Variants in SLC35F3 observed in about 807,000 individuals in gnomAD.
SLC35F3 encodes solute carrier family 35 member F3, also known as putative thiamine transporter SLC35F3.
A neutral mutation model predicts 49.9 loss-of-function variants in SLC35F3; 25 were observed. The observed-to-expected ratio is 0.50, with a 90% CI of 0.37 to 0.70. SLC35F3 has a LOEUF of 0.70. SLC35F3 is among the 30% of genes least tolerant of loss of function. SLC35F3 has a pLI of 0.00. For synonymous variants in SLC35F3, 275 were observed against 265.4 expected, an observed-to-expected ratio of 1.04 and a Z score of -0.35; for missense variants, 525 against 639.8, an observed-to-expected ratio of 0.82 and a Z score of 1.94.
At chr1:233,916,738 G>A (rs901189201) in intron 2 of SLC35F3, among the ~76,000 whole-genome samples, 3 of 152,318 alleles carry the variant, frequency 2.0e-5, no homozygotes, top group African/African-American at 7.2e-5. Context: ...GTTCCTATGT[G>A]GTGGCTGGAA....
At chr1:234,072,702 A>G (rs1660085669) in intron 2 of SLC35F3, among the ~76,000 whole-genome samples, 2 of 152,278 alleles carry the variant, frequency 1.3e-5, no homozygotes, top group African/African-American at 2.4e-5. Flanking sequence ...CCTTGCAATG[A>G]GGCTATGCTT....
intron 2 of SLC35F3, among the ~76,000 whole-genome samples, chr1:233,981,966 C>T (rs193043628): frequency 2.6e-5 from 4 of 152,326 alleles, no homozygotes; most frequent in South Asian, 2.1e-4. Flanking sequence ...CTCCCTCTGT[C>T]GCCCAGGCTG....
chr1:233,918,012 C>G (rs1277738393), intron 2 of SLC35F3, among the ~76,000 whole-genome samples: 1 of 66,240 alleles, frequency 1.5e-5, no homozygotes. Context: ...TTTGGCTTAG[C>G]TAAAATGCAG....
chr1:234,136,237 CCTCT>C (rs1181031704), intron 2 of SLC35F3, among the ~76,000 whole-genome samples: 2 of 144,450 alleles, frequency 1.4e-5, no homozygotes, highest in Non-Finnish European at 3.0e-5. Flanking sequence ...TTCCTCCCTT[CCTCT>C]CTTTCTCTTT....
intron 2 of SLC35F3, among the ~76,000 whole-genome samples, chr1:234,076,062 A>G (rs917969969): frequency 6.6e-6 from 1 of 152,184 alleles, no homozygotes; most frequent in African/African-American, 2.4e-5. Context: ...AACCTTGGCA[A>G]AATAAAATTC....
chr1:234,152,889 G>A lies in SLC35F3; in HGVS notation c.284-78528G>A, dbSNP rs574172901. 8.5e-4 allele frequency among the ~76,000 whole-genome samples: 130 copies of A among 152,302 alleles called. 1 individual carries two copies. Among genetic ancestry groups the A allele is most frequent in the African/African-American group, 2.5e-3 (103 of 41,572 alleles). Reference sequence around the variant, plus strand: ...TTTATCCACATCCTCTCCAGCATCTGTTGCTTCCTGACTTTTTAATGATCC... The same window carrying A: ...TTTATCCACATCCTCTCCAGCATCTATTGCTTCCTGACTTTTTAATGATCC... On this transcript the variant is annotated intron_variant, in intron 2 of 7. Coordinates refer to ENST00000366618, the MANE Select transcript of SLC35F3 (RefSeq NM_173508.4).
At chr1:234,318,124 C>A (rs1483577197) in intron 5 of SLC35F3, among the ~76,000 whole-genome samples, 1 of 152,230 alleles carries the variant, frequency 6.6e-6, no homozygotes, top group African/African-American at 2.4e-5. Context: ...AGGAGCTGCC[C>A]TGGGGCCATC....
intron 2 of SLC35F3, among the ~76,000 whole-genome samples, chr1:233,918,816 C>CTATATA (rs35271968): frequency 7.1e-6 from 1 of 140,418 alleles, no homozygotes; most frequent in Non-Finnish European, 1.5e-5. Context: ...CTCTCTCTCT[C>CTATATA]TATATATATA....
intron 2 of SLC35F3, among the ~76,000 whole-genome samples, chr1:234,146,338 T>C (rs562937316): frequency 6.6e-6 from 1 of 152,188 alleles, no homozygotes; most frequent in South Asian, 2.1e-4. Flanking sequence ...TGTTCTGACA[T>C]CCCTTCAGTC....
intron 2 of SLC35F3, among the ~76,000 whole-genome samples, chr1:233,934,202 A>C (rs1662290212): frequency 6.6e-6 from 1 of 152,206 alleles, no homozygotes; most frequent in Admixed American, 6.5e-5. Flanking sequence ...CTACACATTA[A>C]AAGTGGCCTT....
At chr1:234,107,658 G>A (rs1043639003) in intron 2 of SLC35F3, among the ~76,000 whole-genome samples, 2 of 124,982 alleles carry the variant, frequency 1.6e-5, no homozygotes, top group Non-Finnish European at 3.5e-5. Context: ...TATTTACCCA[G>A]CTCCTGGCAT....
chr1:234,321,151 G>A (rs375423301), intron 7 of SLC35F3, among the ~76,000 whole-genome samples: 14 of 151,088 alleles, frequency 9.3e-5, no homozygotes, highest in South Asian at 6.3e-4. Flanking sequence ...GTTTCCCACC[G>A]CTCCCATTCC....
At chr1:234,266,340 T>C (rs1029814165) in intron 3 of SLC35F3, among the ~76,000 whole-genome samples, 3 of 152,346 alleles carry the variant, frequency 2.0e-5, no homozygotes, top group Admixed American at 1.3e-4. Context: ...GCTCCACTTA[T>C]TTAGTAGTCT....
intron 2 of SLC35F3, among the ~76,000 whole-genome samples, chr1:233,992,254 T>C (rs767308593): frequency 6.6e-6 from 1 of 152,224 alleles, no homozygotes; most frequent in Non-Finnish European, 1.5e-5. Flanking sequence ...TGCTATTTTA[T>C]CTGGTAAAGG....
At chr1:233,975,870 T>G (rs1663071207) in intron 2 of SLC35F3, among the ~76,000 whole-genome samples, 1 of 152,206 alleles carries the variant, frequency 6.6e-6, no homozygotes, top group South Asian at 2.1e-4. Context: ...TGCTCCTCTG[T>G]TTCCAGAAAG....
At position 234,132,148 on chromosome 1, in the gene SLC35F3, G is replaced by T. The variant is rs114063393; in HGVS notation, c.284-99269G>T. Among the ~76,000 whole-genome samples, 682 of 152,290 alleles carry T rather than the reference G, an allele frequency of 4.5e-3. 9 individuals are homozygous for T. The highest frequency in any genetic ancestry group is 0.015 in the African/African-American group (628 of 41,570). Reference sequence around the variant, plus strand: ...GAAGTCAGATAAGATGGCTCAGGCAGTCAGATTCTCCTGCATGCTCTGTCT... The same window carrying T: ...GAAGTCAGATAAGATGGCTCAGGCATTCAGATTCTCCTGCATGCTCTGTCT... On this transcript the variant is annotated intron_variant, in intron 2 of 7. Transcript: ENST00000366618.
chr1:234,245,024 A>G (rs1667610112), intron 3 of SLC35F3, among the ~76,000 whole-genome samples: 2 of 152,120 alleles, frequency 1.3e-5, no homozygotes, highest in Admixed American at 6.5e-5. Context: ...TTGTTTGCTA[A>G]GCATCGTCAC....
intron 2 of SLC35F3, among the ~76,000 whole-genome samples, chr1:233,967,453 T>C (rs558476655): frequency 6.6e-6 from 1 of 152,366 alleles, no homozygotes; most frequent in South Asian, 2.1e-4. Flanking sequence ...GAGGATCTCA[T>C]AGTACCTGTT....
At chr1:234,051,227 G>T (rs560277255) in intron 2 of SLC35F3, among the ~76,000 whole-genome samples, 1 of 152,228 alleles carries the variant, frequency 6.6e-6, no homozygotes, top group South Asian at 2.1e-4. Flanking sequence ...AATTACCTTG[G>T]GCAGTATGAC....
Sources: allele counts gnomAD v4.1 joint callset (sites outside exome capture counted in the v4.1 genomes callset), GRCh38; gene constraint gnomAD v4.1.1; transcripts MANE v1.5; gene names NCBI Gene and HGNC (gene_info 2026-07-23, HGNC 2026-07-21).